MYO1D: variants seen among roughly 807,000 people sequenced by gnomAD.
MYO1D encodes unconventional myosin-Id.
MYO1D carries 83 observed loss-of-function variants against 122.0 expected under a neutral mutation model. The observed-to-expected ratio is 0.68, with a 90% CI of 0.57 to 0.82. The LOEUF (loss-of-function observed/expected upper bound fraction) is 0.82, where lower values mean the gene tolerates loss of function less well. Among genes scored for constraint, MYO1D ranks in the 40% least tolerant of loss-of-function variants. The probability of loss-of-function intolerance (pLI) is 0.00; values close to 1 mark genes in which losing one functional copy is unlikely to be tolerated. For synonymous variants in MYO1D, 464 were observed against 446.9 expected, an observed-to-expected ratio of 1.04 and a Z score of -0.48; for missense variants, 1,157 against 1,269.5, an observed-to-expected ratio of 0.91 and a Z score of 1.35.
At chr17:32,550,210 G>T (rs34578002) in intron 21 of MYO1D, among the ~76,000 whole-genome samples, 1 of 151,072 alleles carries the variant, frequency 6.6e-6, no homozygotes, top group Non-Finnish European at 1.5e-5. Flanking sequence ...AGTGATTCTC[G>T]TGCCTCAGCC....
At chr17:32,593,870 G>A (rs1276853046) in intron 21 of MYO1D, among the ~76,000 whole-genome samples, 1 of 152,248 alleles carries the variant, frequency 6.6e-6, no homozygotes, top group Admixed American at 6.5e-5. Context: ...CTGGCAGGCA[G>A]AGGTTGCAGT....
intron 1 of MYO1D, among the ~76,000 whole-genome samples, chr17:32,781,495 T>C (rs2090237903): frequency 6.6e-6 from 1 of 152,206 alleles, no homozygotes; most frequent in Non-Finnish European, 1.5e-5. Context: ...AAGGCATGTG[T>C]ATTTTTAAAG....
At chr17:32,729,539 C>G (rs1197176805) in intron 14 of MYO1D, among the ~76,000 whole-genome samples, 1 of 151,974 alleles carries the variant, frequency 6.6e-6, no homozygotes, top group Admixed American at 6.6e-5. Context: ...AAGTGCTAGA[C>G]AAAATATGGG....
intron 12 of MYO1D, 106 bp downstream of exon 12, chr17:32,748,830 C>G: frequency 4.7e-6 from 5 of 1,053,534 alleles, no homozygotes; most frequent in Non-Finnish European, 7.2e-6. Flanking sequence ...TATCAAATGA[C>G]CAAAACATGC....
chr17:32,775,839 C>T (rs1332193466), intron 4 of MYO1D, 25 bp downstream of exon 4: 3 of 1,562,314 alleles, frequency 1.9e-6, no homozygotes, highest in Admixed American at 1.8e-5. Context: ...TAAAACATTA[C>T]CCTCAGAAAT....
chr17:32,635,295 G>T (rs1166821289), intron 20 of MYO1D, among the ~76,000 whole-genome samples: 1 of 152,208 alleles, frequency 6.6e-6, no homozygotes, highest in Non-Finnish European at 1.5e-5. Context: ...TCAGGTTGTG[G>T]AGGAGGCTAA....
intron 16 of MYO1D, among the ~76,000 whole-genome samples, chr17:32,702,612 A>G (rs2089262255): frequency 6.6e-6 from 1 of 152,150 alleles, no homozygotes; most frequent in Non-Finnish European, 1.5e-5. Context: ...GAATTGCATC[A>G]ATTTTGCAAT....
intron 21 of MYO1D, among the ~76,000 whole-genome samples, chr17:32,557,366 C>T (rs1411591282): frequency 6.6e-6 from 1 of 152,046 alleles, no homozygotes; most frequent in Non-Finnish European, 1.5e-5. Flanking sequence ...GCCTTGGCCT[C>T]CCAAAGTGCT....
At chr17:32,842,104 G>A (rs1337852856) in intron 1 of MYO1D, among the ~76,000 whole-genome samples, 2 of 152,286 alleles carry the variant, frequency 1.3e-5, no homozygotes, top group East Asian at 1.9e-4. Flanking sequence ...TATTGGATCT[G>A]TAGGGACAAA....
In MYO1D at chr17:32,793,213, TAGA is replaced by T. The variant is rs371502087; in HGVS notation, c.96-12432_96-12430del. On this transcript the variant is annotated intron_variant, in intron 1 of 21. Transcript: ENST00000318217. ...TGGCACATGGACACTTACTAGTTAC[TAGA>T]AGAATAAGACATAGTATTATTGTAC... is the stretch of plus-strand genomic sequence containing the variant. Among the ~76,000 whole-genome samples, 525 of 151,892 alleles carry T rather than the reference TAGA, an allele frequency of 3.5e-3. 3 individuals are homozygous for T. The highest frequency in any genetic ancestry group is 0.012 in the African/African-American group (490 of 41,436).
chr17:32,867,820 AAAAG>A (rs1365807221), intron 1 of MYO1D, among the ~76,000 whole-genome samples: 1 of 150,600 alleles, frequency 6.6e-6, no homozygotes, highest in Non-Finnish European at 1.5e-5. Flanking sequence ...AAAAAAAAAA[AAAAG>A]AATTCAAGTA....
chr17:32,807,490 G>T (rs1297211332), intron 1 of MYO1D, among the ~76,000 whole-genome samples: 1 of 151,994 alleles, frequency 6.6e-6, no homozygotes, highest in African/African-American at 2.4e-5. Context: ...TCTCAATTAG[G>T]ATGTCTTAAA....
At chr17:32,715,821 C>T (rs1019434473) in intron 15 of MYO1D, among the ~76,000 whole-genome samples, 4 of 152,092 alleles carry the variant, frequency 2.6e-5, no homozygotes, top group African/African-American at 7.2e-5. Flanking sequence ...TCAATCTACC[C>T]AGTTACTAAA....
chr17:32,660,704 G>C (rs1217282509), intron 16 of MYO1D, among the ~76,000 whole-genome samples: 1 of 152,172 alleles, frequency 6.6e-6, no homozygotes, highest in Non-Finnish European at 1.5e-5. Flanking sequence ...TAAAGACAAT[G>C]AGGCAATAAA....
intron 20 of MYO1D, among the ~76,000 whole-genome samples, chr17:32,606,029 G>A (rs1167905176): frequency 1.3e-5 from 2 of 152,158 alleles, no homozygotes; most frequent in Non-Finnish European, 1.5e-5. Flanking sequence ...GAACCCAGGA[G>A]GCAGAGGTTG....
chr17:32,671,603 T>C (rs1487972140), intron 16 of MYO1D, among the ~76,000 whole-genome samples: 2 of 152,228 alleles, frequency 1.3e-5, no homozygotes, highest in African/African-American at 4.8e-5. Flanking sequence ...AGAGTGGTCA[T>C]TATACCTTTT....
intron 21 of MYO1D, among the ~76,000 whole-genome samples, chr17:32,562,412 T>C (rs906821214): frequency 2.6e-5 from 4 of 151,864 alleles, no homozygotes; most frequent in Non-Finnish European, 4.4e-5. Flanking sequence ...ATAAATAACT[T>C]ATTTATGGAT....
intron 17 of MYO1D, 43 bp downstream of exon 17, chr17:32,659,072 G>A: frequency 6.5e-7 from 1 of 1,538,324 alleles, no homozygotes; most frequent in Non-Finnish European, 9.0e-7. Context: ...AGTATTAACT[G>A]TGCCACCATA....
At chr17:32,740,679 T>C (rs2089761932) in intron 13 of MYO1D, among the ~76,000 whole-genome samples, 1 of 152,120 alleles carries the variant, frequency 6.6e-6, no homozygotes, top group Admixed American at 6.5e-5. Flanking sequence ...CTCCCTATGT[T>C]GTCCAGGCTG....
Sources: gnomAD v4.1 joint callset for allele counts (sites outside exome capture counted in the v4.1 genomes callset) on GRCh38, gnomAD v4.1.1 for gene constraint, MANE v1.5 for transcripts, NCBI Gene and HGNC (gene_info 2026-07-23, HGNC 2026-07-21) for gene names.